Variants in SPDYE21 observed in about 807,000 individuals in gnomAD.
SPDYE21 encodes speedy/RINGO cell cycle regulator family member E21.
Under a neutral mutation model 36.2 loss-of-function variants are expected in SPDYE21, and 14 were observed. That is an observed-to-expected ratio of 0.39 (90% CI 0.26 to 0.61). The LOEUF (loss-of-function observed/expected upper bound fraction) is 0.61. Ranked by LOEUF, SPDYE21 falls within the 20% of genes least tolerant of loss-of-function variation. SPDYE21 has a pLI of 0.55. For synonymous variants in SPDYE21, 58 were observed against 155.1 expected, an observed-to-expected ratio of 0.37 and a Z score of 4.65; for missense variants, 233 against 424.6, an observed-to-expected ratio of 0.55 and a Z score of 3.97.
chr7:67,282,277 G>A (rs1397286283), intron 4 of SPDYE21, among the ~76,000 whole-genome samples: 379 of 142,538 alleles, frequency 2.7e-3, no homozygotes, highest in Middle Eastern at 3.8e-3. Context: ...ATCCATAGTG[G>A]GGGATCCCAA....
chr7:67,285,338 CTTT>C (rs1461749957), intron 6 of SPDYE21, among the ~76,000 whole-genome samples: 3 of 152,034 alleles, frequency 2.0e-5, no homozygotes, highest in Non-Finnish European at 2.9e-5. Flanking sequence ...ACCTCAGCTT[CTTT>C]ATTAGCTCCG....
At chr7:67,284,136 T>C (rs1286976137) in intron 6 of SPDYE21, 138 bp downstream of exon 6, 3 of 996,182 alleles carry the variant, frequency 3.0e-6, no homozygotes, top group Non-Finnish European at 4.7e-6. Context: ...GATTATACTA[T>C]CATAGACTGT....
chr7:67,285,912 C>T (rs1385392060), intron 6 of SPDYE21, 132 bp from the exon 7 acceptor site: 20 of 1,515,492 alleles, frequency 1.3e-5, no homozygotes, highest in Admixed American at 9.1e-5. Flanking sequence ...CTGAGGAAGG[C>T]GTGGCTCTCT....
chr7:67,283,036 C>T (rs1412570864), intron 5 of SPDYE21, among the ~76,000 whole-genome samples: 1 of 146,510 alleles, frequency 6.8e-6, no homozygotes, highest in Non-Finnish European at 1.5e-5. Flanking sequence ...GAACACCTGA[C>T]CTCAGGCGAT....
Position 67,278,874 on chromosome 7 carries a change from G to A in SPDYE21, c.160+1G>A, listed in dbSNP as rs200901905. Among the ~76,000 whole-genome samples, 13,810 of 149,958 alleles carry A rather than the reference G, an allele frequency of 0.092. 644 individuals are homozygous for A. Among genetic ancestry groups the A allele is most frequent in the Middle Eastern group, 0.16 (45 of 284 alleles). ...GATGATGAAGTGTTGGGACCATCAG[G>A]TGAGGGGACTGGTGGAAGAAGAGGT... On this transcript the variant is annotated splice_donor_variant, in intron 2 of 8. Transcript: ENST00000424157. LOFTEE classifies it high-confidence loss of function.
At position 67,286,106 on chromosome 7, in the gene SPDYE21, T is replaced by C; in HGVS notation, c.818T>C (p.Leu273Pro). 2 of 1,614,066 alleles carry C rather than the reference T, an allele frequency of 1.2e-6. No homozygotes were observed. Among genetic ancestry groups the C allele is most frequent in the East Asian group, 2.2e-5 (1 of 44,890 alleles). ...EDSKQNIFHF[L>P]YGKTRSRIPL... Reference sequence around the variant, plus strand: ...TCCAAACAAAACATCTTCCACTTCCTGTATGGGAAGACCCGCTCTCGCATA... The same window carrying C: ...TCCAAACAAAACATCTTCCACTTCCCGTATGGGAAGACCCGCTCTCGCATA... The change falls in exon 7 of 9, where the codon CTG becomes CCG. Residue 273 changes from leucine to proline, a missense_variant. Coordinates refer to ENST00000424157, the MANE Select transcript of SPDYE21 (RefSeq NM_001382715.2).
intron 3 of SPDYE21, among the ~76,000 whole-genome samples, chr7:67,280,279 G>A (rs1183777757): frequency 5.3e-5 from 8 of 152,024 alleles, no homozygotes; most frequent in African/African-American, 1.9e-4. Context: ...AGTGGCTCAC[G>A]CCTGAGATCC....
rs1043033741 is a variant in SPDYE21, at chr7:67,286,594, C to T, written c.1184C>T (p.Ala395Val). Among the ~76,000 whole-genome samples, 1 of 152,024 alleles carries T rather than the reference C, an allele frequency of 6.6e-6. No individual in the cohort carries two copies. The highest frequency in any genetic ancestry group is 1.5e-5 in the Non-Finnish European group (1 of 68,028). Residue 395 changes from alanine to valine, a missense_variant, in exon 8 of 9, where the codon GCA becomes GTA. Ala to Val is a moderately conservative substitution (Grantham distance 64). Transcript: ENST00000424157. ...QAYDPEHWVW[A>V]RDRAHLS is the part of the protein sequence containing the mutation. ...TATGACCCAGAGCACTGGGTGTGGGCACGAGATCGCGCTCACCTTTCCTAG... is the reference window on the plus strand; with the variant it reads ...TATGACCCAGAGCACTGGGTGTGGGTACGAGATCGCGCTCACCTTTCCTAG...
intron 5 of SPDYE21, among the ~76,000 whole-genome samples, chr7:67,283,601 CA>C (rs1407405853): frequency 6.6e-6 from 1 of 152,134 alleles, no homozygotes; most frequent in Admixed American, 6.5e-5. Context: ...CTCAGCTCTT[CA>C]GGACAGTTCT....
At chr7:67,282,221 T>C (rs530206297) in intron 4 of SPDYE21, among the ~76,000 whole-genome samples, 1 of 152,328 alleles carries the variant, frequency 6.6e-6, no homozygotes, top group African/African-American at 2.4e-5. Context: ...CTGTGCCCTC[T>C]GAAACTTAAT....
chr7:67,278,660 C>T lies in SPDYE21; in HGVS notation c.-54C>T, dbSNP rs1309110591. ...TTCTCCACTCCTGACTTCTCCTAGGCTTGAGAATTGATAACATACTCTTCT... is the reference window on the plus strand; with the variant it reads ...TTCTCCACTCCTGACTTCTCCTAGGTTTGAGAATTGATAACATACTCTTCT... On this transcript the variant is annotated 5_prime_UTR_variant, in exon 2 of 9. Coordinates refer to ENST00000424157, the MANE Select transcript of SPDYE21 (RefSeq NM_001382715.2). Among the ~76,000 whole-genome samples, 1 of 143,036 alleles carries T rather than the reference C, an allele frequency of 7.0e-6. No individual in the cohort carries two copies. Among genetic ancestry groups the T allele is most frequent in the East Asian group, 2.0e-4 (1 of 4,884 alleles). The allele number at this position is 143,036 out of a possible 152,430, so 93.8% of individuals were successfully genotyped here.
At position 67,287,688 on chromosome 7, in the gene SPDYE21, T is replaced by G. The variant is rs191999002; in HGVS notation, c.*216T>G. 0.25 allele frequency among the ~76,000 whole-genome samples: 21,163 copies of G among 83,804 alleles called. 2,073 individuals are homozygous for G. The highest frequency in any genetic ancestry group is 0.39 in the East Asian group (1,153 of 2,994). The allele number at this position is 83,804 out of a possible 152,430, so 55.0% of individuals were successfully genotyped here. The stretch of plus-strand genomic sequence containing the variant: ...CACGTGTCCTCCTGGGAGCAGGGGT[T>G]GGGGGAGGGGGGTGGGGTCCTTCTA... On this transcript the variant is annotated 3_prime_UTR_variant, in exon 9 of 9. Transcript: ENST00000424157.
intron 1 of SPDYE21, among the ~76,000 whole-genome samples, 61 bp downstream of exon 1, chr7:67,277,123 G>A (rs1330454426): frequency 6.6e-6 from 1 of 151,946 alleles, no homozygotes; most frequent in East Asian, 1.9e-4. Flanking sequence ...GCACAATGGT[G>A]CGATCTTGGC....
intron 6 of SPDYE21, among the ~76,000 whole-genome samples, chr7:67,285,787 A>T (rs1357564945): frequency 2.0e-5 from 3 of 151,920 alleles, no homozygotes; most frequent in Non-Finnish European, 4.4e-5. Context: ...TTGGCCTCCC[A>T]ATGTGCTGGG....
Position 67,280,471 on chromosome 7 carries a change from A to G in SPDYE21, c.379+435A>G, listed in dbSNP as rs1802612041. On this transcript the variant is annotated intron_variant, in intron 3 of 8. Transcript: ENST00000424157. Reference sequence around the variant, plus strand: ...AATCCCGTTACTTTGGGAGGCTGAGATGGGTGGATCACTTGAGGTCAGTTG... The same window carrying G: ...AATCCCGTTACTTTGGGAGGCTGAGGTGGGTGGATCACTTGAGGTCAGTTG... 2.6e-5 allele frequency among the ~76,000 whole-genome samples: 4 copies of G among 151,744 alleles called. No homozygotes were observed. The South Asian group carries it at 8.4e-4, about 32-fold the overall frequency.
In SPDYE21 at chr7:67,286,374, T is replaced by G; in HGVS notation, c.1086T>G (p.Leu362=). The G allele has an allele frequency of 2.5e-6, 4 of 1,613,816 alleles. No homozygotes were observed. Among genetic ancestry groups the G allele is most frequent in the Non-Finnish European group, 3.4e-6 (4 of 1,180,032 alleles). Residue 362 remains leucine (L), a synonymous_variant, in exon 7 of 9, where the codon CTT becomes CTG. Transcript: ENST00000424157. ...NRSQIVLFQK[L]RFQFFCSMSG... is the part of the protein sequence containing the mutation. ...CTCAGATAGTCCTGTTCCAGAAACT[T>G]CGGTTCCAGTTCTTCTGTTCCATGA...
intron 4 of SPDYE21, among the ~76,000 whole-genome samples, chr7:67,282,222 GA>G (rs1802653004): frequency 6.6e-6 from 1 of 152,200 alleles, no homozygotes; most frequent in Non-Finnish European, 1.5e-5. Flanking sequence ...TGTGCCCTCT[GA>G]AACTTAATGT....
Position 67,282,705 on chromosome 7 carries a change from C to T in SPDYE21, c.669+12C>T, listed in dbSNP as rs1584748171. On this transcript the variant is annotated intron_variant, in intron 5 of 8. Transcript: ENST00000424157. ...GGGTGTCGGACAAGGTAAGGTTGTTCTCCATGTAACTGTTCCTGTTCCAAC... is the reference window on the plus strand; with the variant it reads ...GGGTGTCGGACAAGGTAAGGTTGTTTTCCATGTAACTGTTCCTGTTCCAAC... 7.8e-7 allele frequency: 1 copy of T among 1,282,128 alleles called. No individual in the cohort carries two copies. Among genetic ancestry groups the T allele is most frequent in the Non-Finnish European group, 1.1e-6 (1 of 938,672 alleles). The allele number at this position is 1,282,128 out of a possible 1,614,324, so 79.4% of individuals were successfully genotyped here.
intron 5 of SPDYE21, among the ~76,000 whole-genome samples, chr7:67,283,440 G>T (rs983441915): frequency 2.0e-5 from 3 of 152,016 alleles, no homozygotes; most frequent in African/African-American, 7.2e-5. Flanking sequence ...GGCTATTCTT[G>T]GTCTTTTTAT....
Sources: gnomAD v4.1 joint callset for allele counts (sites outside exome capture counted in the v4.1 genomes callset) on GRCh38, gnomAD v4.1.1 for gene constraint, MANE v1.5 for transcripts, NCBI Gene and HGNC (gene_info 2026-07-23, HGNC 2026-07-21) for gene names.